The following TGFA variants were observed in gnomAD, a reference collection of about 807,000 sequenced individuals.
The protein encoded by TGFA is protransforming growth factor alpha.
A neutral mutation model predicts 21.7 loss-of-function variants in TGFA; 12 were observed. The observed-to-expected ratio is 0.55, with a 90% CI of 0.35 to 0.90. The LOEUF (loss-of-function observed/expected upper bound fraction) is 0.90, where lower values mean the gene tolerates loss of function less well. TGFA is among the 40% of genes least tolerant of loss of function. The pLI is 0.01. For missense variants in TGFA, 178 were observed against 210.8 expected (o/e 0.84, Z 0.96); for synonymous variants, 79 against 88.1 (o/e 0.90, Z 0.58).
At chr2:70,545,927 A>C (rs1673289397) in intron 1 of TGFA, among the ~76,000 whole-genome samples, 1 of 151,266 alleles carries the variant, frequency 6.6e-6, no homozygotes, top group Admixed American at 6.6e-5. Flanking sequence ...ATCAATAAGA[A>C]AAAAATTTTT....
chr2:70,552,949 C>G (rs11466191), intron 1 of TGFA, among the ~76,000 whole-genome samples: 40,725 of 152,126 alleles, frequency 0.27, 5,589 homozygotes, highest in Middle Eastern at 0.35. Context: ...CGCGTCCAGA[C>G]AGACCCTTGA....
intron 1 of TGFA, among the ~76,000 whole-genome samples, chr2:70,527,892 G>A (rs560666203): frequency 3.3e-5 from 5 of 152,288 alleles, no homozygotes; most frequent in East Asian, 3.9e-4. Flanking sequence ...CAAGTACAAC[G>A]TCCTTCTCCT....
chr2:70,523,562 C>T (rs1672544254), intron 1 of TGFA, among the ~76,000 whole-genome samples: 1 of 152,184 alleles, frequency 6.6e-6, no homozygotes, highest in Non-Finnish European at 1.5e-5. Context: ...TTCTACCAGC[C>T]TTCCAGGTCG....
At chr2:70,513,653 C>A (rs1416718903) in intron 2 of TGFA, among the ~76,000 whole-genome samples, 1 of 152,160 alleles carries the variant, frequency 6.6e-6, no homozygotes, top group Non-Finnish European at 1.5e-5. Flanking sequence ...GCAGTGGTAC[C>A]CAGTGGGACT....
chr2:70,503,277 A>T (rs915256235), intron 2 of TGFA, among the ~76,000 whole-genome samples: 1 of 152,090 alleles, frequency 6.6e-6, no homozygotes, highest in Admixed American at 6.6e-5. Flanking sequence ...CTTTGTAGGG[A>T]CATGGATGAA....
chr2:70,495,097 C>G (rs558722651), intron 2 of TGFA, among the ~76,000 whole-genome samples: 39 of 152,300 alleles, frequency 2.6e-4, no homozygotes, highest in African/African-American at 8.9e-4. Flanking sequence ...TCACCTAGAA[C>G]TTATTTTAGA....
At chr2:70,484,874 T>C (rs1553496356) in intron 2 of TGFA, among the ~76,000 whole-genome samples, 1 of 152,214 alleles carries the variant, frequency 6.6e-6, no homozygotes, top group East Asian at 1.9e-4. Context: ...AATTGATTGT[T>C]GCAACCAAAG....
At position 70,448,989 on chromosome 2, in the gene TGFA, G is replaced by A. The variant is rs1258636268; in HGVS notation, c.*1870C>T. 1.3e-5 allele frequency: 2 copies of A among 152,064 alleles called. No homozygotes were observed. The highest frequency in any genetic ancestry group is 4.8e-5 in the African/African-American group (2 of 41,330). 9.4% of individuals were successfully genotyped at this position (152,064 alleles called of 1,614,324 possible). On this transcript the variant is annotated 3_prime_UTR_variant, in exon 6 of 6. Coordinates refer to ENST00000295400, the MANE Select transcript of TGFA (RefSeq NM_003236.4). ...CCGTTGATTGGTCTCTAAGCAGGAT[G>A]CTACAGTCAAGCCTCAACCCACATA...
At chr2:70,515,482 G>A (rs531573587) in intron 1 of TGFA, among the ~76,000 whole-genome samples, 106 of 152,244 alleles carry the variant, frequency 7.0e-4, no homozygotes, top group Non-Finnish European at 1.0e-3. Flanking sequence ...GCTGGCAGCC[G>A]GGCCAATGTG....
chr2:70,533,104 C>T (rs1042939289), intron 1 of TGFA, among the ~76,000 whole-genome samples: 2 of 152,066 alleles, frequency 1.3e-5, no homozygotes, highest in East Asian at 1.9e-4. Flanking sequence ...TCAAGTGATC[C>T]GCCCATCTCA....
chr2:70,540,724 C>A lies in TGFA; in HGVS notation c.40+13004G>T, dbSNP rs534501187. On this transcript the variant is annotated intron_variant, in intron 1 of 5. Transcript: ENST00000295400. ...ACAAAAAAATTACACTTTTAGTAAACCTAAATACAACTCACATAAATTTAA... is the reference window on the plus strand; with the variant it reads ...ACAAAAAAATTACACTTTTAGTAAAACTAAATACAACTCACATAAATTTAA... 4.2e-4 allele frequency among the ~76,000 whole-genome samples: 64 copies of A among 152,176 alleles called. No individual in the cohort carries two copies. The East Asian group carries it at 0.011, about 27-fold the overall frequency.
At chr2:70,457,839 G>C (rs897349287) in intron 3 of TGFA, among the ~76,000 whole-genome samples, 1 of 152,168 alleles carries the variant, frequency 6.6e-6, no homozygotes, top group Non-Finnish European at 1.5e-5. Flanking sequence ...ACAGTGCCCG[G>C]CCTGCTGGTG....
chr2:70,492,926 A>G (rs1034760418), intron 2 of TGFA, among the ~76,000 whole-genome samples: 2 of 152,160 alleles, frequency 1.3e-5, no homozygotes, highest in East Asian at 3.8e-4. Flanking sequence ...TTTGTGTCCA[A>G]TGGTTATAAG....
intron 1 of TGFA, among the ~76,000 whole-genome samples, chr2:70,547,735 C>T (rs151203056): frequency 1.4e-3 from 198 of 143,724 alleles, no homozygotes; most frequent in African/African-American, 4.9e-3. Context: ...ACTTATACTA[C>T]TATATTATAT....
At chr2:70,455,089 A>G (rs1345938110) in intron 4 of TGFA, among the ~76,000 whole-genome samples, 2 of 152,236 alleles carry the variant, frequency 1.3e-5, no homozygotes, top group Non-Finnish European at 2.9e-5. Flanking sequence ...TCTGAACCAG[A>G]GCTACTTGTC....
At chr2:70,511,526 T>C (rs1420974498) in intron 2 of TGFA, among the ~76,000 whole-genome samples, 1 of 152,190 alleles carries the variant, frequency 6.6e-6, no homozygotes, top group African/African-American at 2.4e-5. Flanking sequence ...AAATGCAAAT[T>C]AAAACGAAGT....
chr2:70,470,655 T>C (rs1246796363), intron 2 of TGFA, among the ~76,000 whole-genome samples: 1 of 152,150 alleles, frequency 6.6e-6, no homozygotes, highest in Non-Finnish European at 1.5e-5. Context: ...AGAAGCTCCA[T>C]GCAACAGTAA....
intron 1 of TGFA, among the ~76,000 whole-genome samples, chr2:70,525,671 G>T (rs1553502881): frequency 6.6e-6 from 1 of 152,158 alleles, no homozygotes; most frequent in African/African-American, 2.4e-5. Context: ...AACAAGTGCA[G>T]GCTCCAGGTG....
At chr2:70,507,363 C>T (rs1671957689) in intron 2 of TGFA, among the ~76,000 whole-genome samples, 2 of 152,140 alleles carry the variant, frequency 1.3e-5, no homozygotes, top group South Asian at 2.1e-4. Context: ...CACTATATGC[C>T]CTGTATTTTT....
Sources: gnomAD v4.1 joint callset for allele counts (sites outside exome capture counted in the v4.1 genomes callset) on GRCh38, gnomAD v4.1.1 for gene constraint, MANE v1.5 for transcripts, NCBI Gene and HGNC (gene_info 2026-07-23, HGNC 2026-07-21) for gene names.